RNF169: variants seen among roughly 807,000 people sequenced by gnomAD.
RNF169 encodes E3 ubiquitin-protein ligase RNF169.
RNF169 carries 24 observed loss-of-function variants against 53.9 expected under a neutral mutation model. The observed-to-expected ratio is 0.45, with a 90% confidence interval of 0.32 to 0.63. RNF169 has a LOEUF of 0.63. RNF169 is among the 20% of genes least tolerant of loss of function. The pLI is 0.04. For missense variants in RNF169, 883 were observed against 906.2 expected (o/e 0.97, Z 0.33); for synonymous variants, 396 against 363.5 (o/e 1.09, Z -1.02).
chr11:74,817,736 C>G, intron 4 of RNF169, 22 bp downstream of exon 4: 1 of 1,453,698 alleles, frequency 6.9e-7, no homozygotes, highest in Non-Finnish European at 9.7e-7. Flanking sequence ...ATGCTGAATT[C>G]AGTCAGGGGT....
intron 5 of RNF169, among the ~76,000 whole-genome samples, chr11:74,835,279 G>A (rs1250175705): frequency 6.6e-6 from 1 of 152,098 alleles, no homozygotes; most frequent in Non-Finnish European, 1.5e-5. Flanking sequence ...CACCATGCCT[G>A]GACAAGAAAC....
chr11:74,799,155 T>C (rs1181063357), intron 2 of RNF169, among the ~76,000 whole-genome samples: 3 of 147,000 alleles, frequency 2.0e-5, no homozygotes. Flanking sequence ...ATTGAAGAAA[T>C]GCCCACTTTT....
chr11:74,771,529 C>T (rs936563648), intron 1 of RNF169, among the ~76,000 whole-genome samples: 1 of 148,978 alleles, frequency 6.7e-6, no homozygotes, highest in African/African-American at 2.5e-5. Context: ...TATAAGGAGA[C>T]CCTTGTCTCT....
At chr11:74,787,444 C>T (rs927835006) in intron 1 of RNF169, among the ~76,000 whole-genome samples, 1 of 152,078 alleles carries the variant, frequency 6.6e-6, no homozygotes. Flanking sequence ...ATATAAAATG[C>T]AAAATTTCAT....
At chr11:74,808,757 C>A (rs2035836953) in intron 2 of RNF169, among the ~76,000 whole-genome samples, 1 of 152,176 alleles carries the variant, frequency 6.6e-6, no homozygotes, top group Non-Finnish European at 1.5e-5. Flanking sequence ...TTTGTATAGC[C>A]TGTAGTCAAG....
Position 74,836,604 on chromosome 11 carries a change from A to G in RNF169, c.2001A>G (p.Glu667=). 6.2e-7 allele frequency: 1 copy of G among 1,614,130 alleles called. No homozygotes were observed. Among genetic ancestry groups the G allele is most frequent in the South Asian group, 1.1e-5 (1 of 91,090 alleles). The change falls in exon 6 of 6, where the codon GAA becomes GAG. Residue 667 remains glutamate (E), a synonymous_variant. Coordinates refer to ENST00000299563, the MANE Select transcript of RNF169 (RefSeq NM_001098638.2). ...TGGAGCAGAAGCTTCAGCAAGAGGA[A>G]GAAGACCGACAGTTGGCTCTGCAGT... ...REMEQKLQQE[E]EDRQLALQLQ...
chr11:74,836,039 C>T lies in RNF169; in HGVS notation c.1436C>T (p.Ala479Val), dbSNP rs752995333. ...TCTAGCAAGGAGAAGCCACTTGTGG[C>T]TGTAAATACAAGATTATCTGGTGGG... ...IHSSKEKPLV[A>V]VNTRLSGGQV... The change falls in exon 6 of 6, where the codon GCT (alanine) becomes GTT (valine). Residue 479 changes from alanine to valine, a missense_variant. By Grantham distance (64) the Ala-to-Val change is moderately conservative (BLOSUM62 0). Around this residue, in one of 3 missense-constraint regions of RNF169, gnomAD observed 351 missense variants for 337.3 expected, o/e 1.04. Coordinates refer to ENST00000299563, the MANE Select transcript of RNF169 (RefSeq NM_001098638.2). The T allele has an allele frequency of 1.1e-5, 17 of 1,614,062 alleles. No homozygotes were observed. Among genetic ancestry groups the T allele is most frequent in the Non-Finnish European group, 1.4e-5 (17 of 1,180,044 alleles).
At chr11:74,831,693 TGAA>T (rs895919220) in intron 4 of RNF169, 19 of 137,490 alleles carry the variant, frequency 1.4e-4, no homozygotes, top group African/African-American at 5.4e-4. Context: ...AAAACAATCT[TGAA>T]AAAAAAAAAA....
chr11:74,768,530 C>T (rs1242275215), intron 1 of RNF169, among the ~76,000 whole-genome samples: 1 of 151,780 alleles, frequency 6.6e-6, no homozygotes, highest in Non-Finnish European at 1.5e-5. Context: ...TCGCTTTAAC[C>T]TGGGAAGCGG....
Position 74,790,743 on chromosome 11 carries a change from T to TG in RNF169, c.576+1046dup, listed in dbSNP as rs141494129. ...GCACTGGCTCCTGTGAGGCTGTGGC[T>TG]GGACCAGGACTACTGCAAGTGGCTT... On this transcript the variant is annotated intron_variant, in intron 2 of 5. Coordinates refer to ENST00000299563, the MANE Select transcript of RNF169 (RefSeq NM_001098638.2). 2.8e-3 allele frequency among the ~76,000 whole-genome samples: 419 copies of TG among 152,342 alleles called. 2 individuals carry two copies. Among genetic ancestry groups the TG allele is most frequent in the African/African-American group, 9.6e-3 (401 of 41,580 alleles).
intron 1 of RNF169, among the ~76,000 whole-genome samples, chr11:74,778,594 C>T (rs58841489): frequency 0.13 from 19,811 of 152,208 alleles, 1,465 homozygotes; most frequent in Middle Eastern, 0.27. Context: ...GGGGGCTTTA[C>T]ATACAGGGAG....
intron 1 of RNF169, among the ~76,000 whole-genome samples, chr11:74,786,163 TCTC>T (rs2035498794): frequency 6.6e-6 from 1 of 151,758 alleles, no homozygotes; most frequent in Non-Finnish European, 1.5e-5. Context: ...ATGGTCTTGA[TCTC>T]CTGACCTTGT....
At chr11:74,797,413 A>G (rs568966050) in intron 2 of RNF169, among the ~76,000 whole-genome samples, 3 of 152,184 alleles carry the variant, frequency 2.0e-5, no homozygotes, top group Non-Finnish European at 4.4e-5. Context: ...AGCTTTATTT[A>G]TCTAGAAAGT....
Position 74,840,940 on chromosome 11 carries a change from G to T in RNF169, c.*4210G>T, listed in dbSNP as rs889497940. ...GGGATACCCCCAAATGATTTAGGAG[G>T]TTATTTTATTTTAATAGTTTTTTCT... On this transcript the variant is annotated 3_prime_UTR_variant, in exon 6 of 6. Coordinates refer to ENST00000299563, the MANE Select transcript of RNF169 (RefSeq NM_001098638.2). 1 of 151,942 alleles carries T rather than the reference G, an allele frequency of 6.6e-6. No individual in the cohort carries two copies. Among genetic ancestry groups the T allele is most frequent in the Non-Finnish European group, 1.5e-5 (1 of 67,988 alleles). 9.4% of individuals were successfully genotyped at this position (151,942 alleles called of 1,614,324 possible).
chr11:74,792,397 A>C (rs2035591420), intron 2 of RNF169, among the ~76,000 whole-genome samples: 1 of 152,112 alleles, frequency 6.6e-6, no homozygotes, highest in African/African-American at 2.4e-5. Flanking sequence ...AGACATAGTA[A>C]GAGTAGGGTT....
intron 1 of RNF169, among the ~76,000 whole-genome samples, chr11:74,772,495 CT>C (rs2035275626): frequency 1.7e-5 from 1 of 58,702 alleles, no homozygotes; most frequent in Non-Finnish European, 3.5e-5. Context: ...TTTTTTTTTA[CT>C]TTTATGTATT....
intron 3 of RNF169, 130 bp downstream of exon 3, chr11:74,810,460 G>C: frequency 3.6e-6 from 3 of 843,236 alleles, no homozygotes; most frequent in Non-Finnish European, 5.8e-6. Flanking sequence ...CAGCTTAAGA[G>C]TAGTGAAGAA....
At position 74,826,665 on chromosome 11, in the gene RNF169, G is replaced by A. The variant is rs567259922; in HGVS notation, c.843-8011G>A. On this transcript the variant is annotated intron_variant, in intron 4 of 5. Coordinates refer to ENST00000299563, the MANE Select transcript of RNF169 (RefSeq NM_001098638.2). ...TTAGTTATTTCATAGATGCAATAAG[G>A]GTATAGGCATTGGGTAAATACACCG... is the stretch of plus-strand genomic sequence containing the variant. Among the ~76,000 whole-genome samples, 4 of 152,336 alleles carry A rather than the reference G, an allele frequency of 2.6e-5. No homozygotes were observed. The East Asian group carries it at 5.8e-4, about 22-fold the overall frequency.
At chr11:74,804,364 T>C (rs2035775657) in intron 2 of RNF169, among the ~76,000 whole-genome samples, 1 of 152,150 alleles carries the variant, frequency 6.6e-6, no homozygotes, top group Non-Finnish European at 1.5e-5. Context: ...AAATAACAAT[T>C]TGTGAAGTGT....
Sources: gnomAD v4.1 joint callset for allele counts (sites outside exome capture counted in the v4.1 genomes callset) on GRCh38, gnomAD v4.1.1 for gene constraint, gnomAD v4.1.1 regional missense constraint, MANE v1.5 for transcripts, NCBI Gene and HGNC (gene_info 2026-07-23, HGNC 2026-07-21) for gene names.